The following DLG2 variants were observed in gnomAD, a reference collection of about 807,000 sequenced individuals.
DLG2 encodes the protein disks large homolog 2.
A neutral mutation model predicts 132.5 loss-of-function variants in DLG2; 45 were observed. That is an observed-to-expected ratio of 0.34 (90% confidence interval 0.27 to 0.44). The LOEUF is 0.44. DLG2 is among the 20% of genes least tolerant of loss of function. DLG2 has a pLI of 1.00. For synonymous variants in DLG2, 424 were observed against 419.6 expected, an observed-to-expected ratio of 1.01 and a Z score of -0.13; for missense variants, 1,045 against 1,196.9, an observed-to-expected ratio of 0.87 and a Z score of 1.87.
chr11:84,054,161 A>G (rs1010862263), intron 11 of DLG2, among the ~76,000 whole-genome samples: 1 of 152,072 alleles, frequency 6.6e-6, no homozygotes, highest in Non-Finnish European at 1.5e-5. Flanking sequence ...CTAAGCAACA[A>G]CAGCATCTTA....
intron 8 of DLG2, among the ~76,000 whole-genome samples, chr11:84,213,845 A>T (rs928274442): frequency 1.3e-5 from 2 of 151,186 alleles, no homozygotes; most frequent in Non-Finnish European, 3.0e-5. Context: ...AAGAAAAAAA[A>T]AAAGGATGTA....
chr11:83,534,853 G>T (rs926539385), intron 20 of DLG2, among the ~76,000 whole-genome samples: 9 of 152,248 alleles, frequency 5.9e-5, no homozygotes, highest in African/African-American at 2.2e-4. Flanking sequence ...TGAGGCAGGA[G>T]AGTCACTTGA....
intron 4 of DLG2, among the ~76,000 whole-genome samples, chr11:85,242,973 A>G (rs1461682742): frequency 6.6e-6 from 1 of 152,030 alleles, no homozygotes; most frequent in Non-Finnish European, 1.5e-5. Flanking sequence ...AGTCTGAAGT[A>G]TAGCTGCCAA....
chr11:85,501,217 T>G (rs1253699280), intron 3 of DLG2, among the ~76,000 whole-genome samples: 3 of 152,202 alleles, frequency 2.0e-5, no homozygotes, highest in Admixed American at 6.5e-5. Context: ...GCTAGCCATA[T>G]GCAGAAAACT....
intron 6 of DLG2, among the ~76,000 whole-genome samples, chr11:84,628,857 G>T (rs1274176725): frequency 6.6e-6 from 1 of 152,298 alleles, no homozygotes. Flanking sequence ...TCAATGAATA[G>T]TTGGTGATCA....
intron 6 of DLG2, among the ~76,000 whole-genome samples, chr11:85,017,896 G>T (rs1204023647): frequency 6.6e-6 from 1 of 152,124 alleles, no homozygotes; most frequent in Non-Finnish European, 1.5e-5. Flanking sequence ...ACGTTGGAGT[G>T]CAAGGCTTTC....
At chr11:84,654,837 C>T (rs917381716) in intron 6 of DLG2, among the ~76,000 whole-genome samples, 1 of 152,132 alleles carries the variant, frequency 6.6e-6, no homozygotes. Flanking sequence ...CACTCCTCTG[C>T]TGGGACCCCG....
chr11:83,456,948 A>T lies in DLG2; in HGVS notation c.*2870T>A, dbSNP rs983959436. On this transcript the variant is annotated 3_prime_UTR_variant, in exon 28 of 28. Transcript: ENST00000376104. ...AAGGCCTGCAAATAAATGGCCGACAATTCTGTGGGAGGAGAGCAAAAAACA... is the reference window on the plus strand; with the variant it reads ...AAGGCCTGCAAATAAATGGCCGACATTTCTGTGGGAGGAGAGCAAAAAACA... 1 of 152,664 alleles carries T rather than the reference A, an allele frequency of 6.6e-6. No homozygotes were observed. Among genetic ancestry groups the T allele is most frequent in the African/African-American group, 2.4e-5 (1 of 41,464 alleles). The allele number at this position is 152,664 out of a possible 1,614,324, so 9.5% of individuals were successfully genotyped here. A position where few individuals can be genotyped will look rare whatever the true frequency, so the allele number is the denominator to read the frequency against.
At chr11:85,149,324 A>G (rs1448308055) in intron 5 of DLG2, among the ~76,000 whole-genome samples, 3 of 152,214 alleles carry the variant, frequency 2.0e-5, no homozygotes, top group South Asian at 4.1e-4. Flanking sequence ...CATTGAATCT[A>G]TAAAATACTT....
intron 7 of DLG2, among the ~76,000 whole-genome samples, chr11:84,367,030 C>G (rs2098686847): frequency 6.6e-6 from 1 of 152,042 alleles, no homozygotes; most frequent in Non-Finnish European, 1.5e-5. Context: ...AGCACCACAC[C>G]ACACCTATTC....
At chr11:85,478,211 A>T (rs1296121493) in intron 3 of DLG2, among the ~76,000 whole-genome samples, 1 of 151,964 alleles carries the variant, frequency 6.6e-6, no homozygotes, top group African/African-American at 2.4e-5. Context: ...TTGTAGAGAG[A>T]GGGTCTCACT....
intron 3 of DLG2, among the ~76,000 whole-genome samples, chr11:85,521,110 A>C (rs1335825774): frequency 6.6e-6 from 1 of 152,244 alleles, no homozygotes; most frequent in Non-Finnish European, 1.5e-5. Flanking sequence ...TCTGCAAACT[A>C]TCTGATGTGG....
Position 85,276,623 on chromosome 11 carries a change from T to A in DLG2, c.186+8597A>T, listed in dbSNP as rs534195377. On this transcript the variant is annotated intron_variant, in intron 4 of 27. Transcript: ENST00000376104. ...TGTACCGCCATGACTCATTCCTGTG[T>A]TTTTAAAACTATCTTCAGAATCTTA... 7.9e-5 allele frequency among the ~76,000 whole-genome samples: 12 copies of A among 152,246 alleles called. No homozygotes were observed. The East Asian group carries it at 2.3e-3, about 29-fold the overall frequency.
chr11:83,979,687 A>C (rs2092610210), intron 12 of DLG2, among the ~76,000 whole-genome samples: 1 of 152,198 alleles, frequency 6.6e-6, no homozygotes, highest in South Asian at 2.1e-4. Flanking sequence ...AAGGGGAGGA[A>C]AGGAAGAGAT....
intron 5 of DLG2, among the ~76,000 whole-genome samples, chr11:85,126,306 G>A (rs180953): frequency 0.14 from 21,290 of 152,074 alleles, 1,738 homozygotes; most frequent in East Asian, 0.34. Context: ...AAAGAGAATC[G>A]TATACTTTGG....
chr11:84,939,706 A>T (rs191448446), intron 6 of DLG2, among the ~76,000 whole-genome samples: 93 of 152,326 alleles, frequency 6.1e-4, no homozygotes, highest in African/African-American at 2.2e-3. Flanking sequence ...TATTCCACTG[A>T]ACATAATGTT....
At chr11:84,534,881 C>T (rs1024559943) in intron 6 of DLG2, 150 bp from the exon 7 acceptor site, 70 of 895,716 alleles carry the variant, frequency 7.8e-5, no homozygotes, top group Admixed American at 1.2e-4. Context: ...ACTCTTCTGG[C>T]GGTCACCATA....
chr11:84,608,813 C>G (rs1305840360), intron 6 of DLG2, among the ~76,000 whole-genome samples: 1 of 152,164 alleles, frequency 6.6e-6, no homozygotes. Context: ...AACTTAAATA[C>G]TGATAAGTAT....
At chr11:83,819,919 T>C (rs1455540637) in intron 17 of DLG2, among the ~76,000 whole-genome samples, 1 of 151,784 alleles carries the variant, frequency 6.6e-6, no homozygotes, top group African/African-American at 2.4e-5. Flanking sequence ...TGGTTTCTTA[T>C]GTTTAAATAC....
Sources: gnomAD v4.1 joint callset for allele counts (sites outside exome capture counted in the v4.1 genomes callset) on GRCh38, gnomAD v4.1.1 for gene constraint, MANE v1.5 for transcripts, NCBI Gene and HGNC (gene_info 2026-07-23, HGNC 2026-07-21) for gene names.